The following PCDHA12 variants were observed in gnomAD, a reference collection of about 807,000 sequenced individuals.
PCDHA12 encodes protocadherin alpha 12, also known as protocadherin alpha-12.
PCDHA12 carries 44 observed loss-of-function variants against 60.0 expected under a neutral mutation model. That is an observed-to-expected ratio of 0.73 (90% CI 0.58 to 0.94). The LOEUF (loss-of-function observed/expected upper bound fraction) is 0.94. Among genes scored for constraint, PCDHA12 ranks in the 40% least tolerant of loss-of-function variants. PCDHA12 has a pLI of 0.00. For missense variants in PCDHA12, 1,276 were observed against 1,239.7 expected, an observed-to-expected ratio of 1.03 and a Z score of -0.44; for synonymous variants, 569 against 553.0, an observed-to-expected ratio of 1.03 and a Z score of -0.40.
rs532145972 is a variant in PCDHA12 at position 140,957,602 on chromosome 5, C to T, written c.2368-21347C>T. On this transcript the variant is annotated intron_variant, in intron 1 of 3. Transcript: ENST00000398631. Reference sequence around the variant, plus strand: ...TTAACAAAGCACTTCCCAGAATAAACACACAGACATATACATGCACACACT... The same window carrying T: ...TTAACAAAGCACTTCCCAGAATAAATACACAGACATATACATGCACACACT... 3.3e-5 allele frequency among the ~76,000 whole-genome samples: 5 copies of T among 152,174 alleles called. No homozygotes were observed. In the East Asian group the frequency reaches 9.6e-4, roughly 29 times the overall value.
intron 1 of PCDHA12, among the ~76,000 whole-genome samples, chr5:140,964,719 C>T (rs1042863318): frequency 1.3e-5 from 2 of 151,420 alleles, no homozygotes; most frequent in Non-Finnish European, 2.9e-5. Flanking sequence ...ATCAAATTAC[C>T]ACAGCAAACT....
At chr5:140,967,511 G>T (rs1402187059) in intron 1 of PCDHA12, 2 of 1,612,876 alleles carry the variant, frequency 1.2e-6, no homozygotes, top group Non-Finnish European at 8.5e-7. Flanking sequence ...GCGTGTCCTG[G>T]ACACTAACGA....
chr5:141,009,771 T>C lies in PCDHA12; in HGVS notation c.2660T>C (p.Ile887Thr), dbSNP rs142720081. 3.1e-5 allele frequency: 50 copies of C among 1,613,964 alleles called. No homozygotes were observed. The highest frequency in any genetic ancestry group is 1.6e-4 in the Middle Eastern group (1 of 6,084). Residue 887 changes from isoleucine (I) to threonine (T), a missense_variant, in exon 4 of 4, where the codon ATC (isoleucine) becomes ACC (threonine). Transcript: ENST00000398631. ...DKFIIPGSPA[I>T]ISIRQEPTNS... ...TTCATTATCCCAGGATCTCCTGCAA[T>C]CATCTCCATCCGGCAGGAGCCTACT...
rs1175289327 is a variant in PCDHA12 at position 140,945,113 on chromosome 5, T to TA, written c.2368-33830dup. ...TAATAAACAAAATAAAGTTGAAAGA[T>TA]AAAAAATCAACTTACAAAAATCAAT... On this transcript the variant is annotated intron_variant, in intron 1 of 3. Coordinates refer to ENST00000398631, the MANE Select transcript of PCDHA12 (RefSeq NM_018903.4). Among the ~76,000 whole-genome samples, 7 of 152,200 alleles carry TA rather than the reference T, an allele frequency of 4.6e-5. No individual in the cohort carries two copies. In the East Asian group the frequency reaches 1.2e-3, roughly 25 times the overall value.
At position 140,933,976 on chromosome 5, in the gene PCDHA12, A is replaced by G. The variant is rs1359426492; in HGVS notation, c.2368-44973A>G. ...ATCTGTAGTGATGTTTCCCTTTTCA[A>G]TCCTGGTGTTAGTGTCACCTCTCAT... On this transcript the variant is annotated intron_variant, in intron 1 of 3. Coordinates refer to ENST00000398631, the MANE Select transcript of PCDHA12 (RefSeq NM_018903.4). Among the ~76,000 whole-genome samples, 3 of 151,666 alleles carry G rather than the reference A, an allele frequency of 2.0e-5. No homozygotes were observed. The East Asian group carries it at 5.8e-4, about 29-fold the overall frequency.
chr5:140,883,282 G>A (rs781911340), intron 1 of PCDHA12: 6 of 1,613,900 alleles, frequency 3.7e-6, no homozygotes, highest in Non-Finnish European at 5.1e-6. Context: ...CCCTTTTGGT[G>A]GAAGTACTAG....
intron 1 of PCDHA12, among the ~76,000 whole-genome samples, chr5:140,889,697 A>G (rs920897018): frequency 4.6e-5 from 7 of 152,294 alleles, no homozygotes; most frequent in Middle Eastern, 3.4e-3. Flanking sequence ...TATTATGGGC[A>G]TATTCCACAA....
intron 3 of PCDHA12, among the ~76,000 whole-genome samples, chr5:140,985,879 A>G (rs539308826): frequency 6.6e-6 from 1 of 151,504 alleles, no homozygotes; most frequent in Non-Finnish European, 1.5e-5. Context: ...AGCTGGGACT[A>G]CAGGCGCCCG....
At position 140,990,371 on chromosome 5, in the gene PCDHA12, A is replaced by G. The variant is rs570757505; in HGVS notation, c.2515+7808A>G. Reference sequence around the variant, plus strand: ...CCTGTACAGAAAATCTAATAAAGCAAATTTGTTGGTGATGTTCCAAGAAGG... The same window carrying G: ...CCTGTACAGAAAATCTAATAAAGCAGATTTGTTGGTGATGTTCCAAGAAGG... On this transcript the variant is annotated intron_variant, in intron 3 of 3. Coordinates refer to ENST00000398631, the MANE Select transcript of PCDHA12 (RefSeq NM_018903.4). 7.2e-5 allele frequency among the ~76,000 whole-genome samples: 11 copies of G among 152,154 alleles called. No homozygotes were observed. The East Asian group carries it at 1.9e-3, about 27-fold the overall frequency.
rs200651425 is a variant in PCDHA12 at position 140,877,744 on chromosome 5, G to A, written c.2272G>A (p.Val758Met). The A allele has an allele frequency of 6.2e-7, 1 of 1,614,080 alleles. No individual in the cohort carries two copies. Among genetic ancestry groups the A allele is most frequent in the African/African-American group, 1.3e-5 (1 of 74,942 alleles). ...TTACTCGCAGCAGAGGAGGCAGAGGGTGTGCTCTGCAGAGAGCCCGCCCAA... is the reference window on the plus strand; with the variant it reads ...TTACTCGCAGCAGAGGAGGCAGAGGATGTGCTCTGCAGAGAGCCCGCCCAA... ...WSYSQQRRQR[V>M]CSAESPPKTD... The change falls in exon 1 of 4, where the codon GTG (valine) becomes ATG (methionine). Residue 758 changes from valine (V) to methionine (M), a missense_variant. Transcript: ENST00000398631.
intron 1 of PCDHA12, chr5:140,968,133 A>G (rs782213191): frequency 1.5e-5 from 24 of 1,614,022 alleles, no homozygotes; most frequent in Middle Eastern, 3.3e-4. Flanking sequence ...CGTACACTGA[A>G]GGTTGAGATC....
chr5:140,882,152 G>A (rs1582595300), intron 1 of PCDHA12: 2 of 1,505,314 alleles, frequency 1.3e-6, no homozygotes, highest in Non-Finnish European at 8.9e-7. Flanking sequence ...GCAGAAAGCG[G>A]AATACCTCTT....
At chr5:140,970,960 G>T (rs3776114) in intron 1 of PCDHA12, among the ~76,000 whole-genome samples, 54,597 of 152,034 alleles carry the variant, frequency 0.36, 10,036 homozygotes, top group Admixed American at 0.46. Context: ...ATGGGAGGCA[G>T]ATTGTAGATT....
chr5:140,885,049 A>T (rs1001120267), intron 1 of PCDHA12, among the ~76,000 whole-genome samples: 56 of 152,352 alleles, frequency 3.7e-4, no homozygotes, highest in African/African-American at 1.2e-3. Context: ...TTTAATGTAT[A>T]CATATACCCA....
intron 2 of PCDHA12, 93 bp downstream of exon 2, chr5:140,979,100 A>C (rs1325676942): frequency 6.5e-7 from 1 of 1,545,710 alleles, no homozygotes; most frequent in African/African-American, 1.4e-5. Context: ...CAGCTGTCAA[A>C]ACTAAAAAGC....
At chr5:141,004,597 C>CTTAG (rs1554259623) in intron 3 of PCDHA12, among the ~76,000 whole-genome samples, 1 of 152,218 alleles carries the variant, frequency 6.6e-6, no homozygotes, top group African/African-American at 2.4e-5. Flanking sequence ...GATGACAGTG[C>CTTAG]TTAGGCCTCA....
intron 1 of PCDHA12, chr5:140,926,951 G>A: frequency 3.8e-6 from 6 of 1,596,266 alleles, no homozygotes; most frequent in South Asian, 1.1e-5. Context: ...GCTGCAGCGG[G>A]ACAGCTCGAG....
intron 3 of PCDHA12, among the ~76,000 whole-genome samples, chr5:140,999,659 G>A (rs1208907437): frequency 6.6e-6 from 1 of 152,162 alleles, no homozygotes; most frequent in African/African-American, 2.4e-5. Context: ...GAGCCCTGCT[G>A]GGTTGCGGGG....
At chr5:140,901,667 A>G (rs1319008143) in intron 1 of PCDHA12, among the ~76,000 whole-genome samples, 1 of 151,994 alleles carries the variant, frequency 6.6e-6, no homozygotes, top group Non-Finnish European at 1.5e-5. Context: ...TGCTCAAGAT[A>G]CCTTTAGGTA....
Sources: gnomAD v4.1 joint callset for allele counts (sites outside exome capture counted in the v4.1 genomes callset) on GRCh38, gnomAD v4.1.1 for gene constraint, MANE v1.5 for transcripts, NCBI Gene and HGNC (gene_info 2026-07-23, HGNC 2026-07-21) for gene names.